The following SPINDOC variants were observed in gnomAD, a reference collection of about 807,000 sequenced individuals.
SPINDOC encodes spindlin interactor and repressor of chromatin-binding protein.
SPINDOC carries 13 observed loss-of-function variants against 30.7 expected under a neutral mutation model. The observed-to-expected ratio is 0.42, with a 90% CI of 0.28 to 0.67. SPINDOC has a LOEUF of 0.67. Among genes scored for constraint, SPINDOC ranks in the 30% least tolerant of loss-of-function variants. The probability of loss-of-function intolerance (pLI) is 0.22; values close to 1 mark genes in which losing one functional copy is unlikely to be tolerated. For missense variants in SPINDOC, 438 were observed against 518.0 expected (o/e 0.85, Z 1.50); for synonymous variants, 228 against 211.4 (o/e 1.08, Z -0.68).
At chr11:63,823,082 C>T in intron 5 of SPINDOC, 1 of 1,231,470 alleles carries the variant, frequency 8.1e-7, no homozygotes, top group Admixed American at 2.3e-5. Flanking sequence ...GGGAGGCACC[C>T]TGGGAGATGG....
chr11:63,826,368 A>G (rs1330535746), intron 5 of SPINDOC, among the ~76,000 whole-genome samples: 1 of 152,080 alleles, frequency 6.6e-6, no homozygotes, highest in Non-Finnish European at 1.5e-5. Flanking sequence ...TGCCTTCTCC[A>G]TACTGGTAAG....
At chr11:63,822,972 G>T (rs1590936448) in intron 5 of SPINDOC, 3 of 1,128,934 alleles carry the variant, frequency 2.7e-6, no homozygotes, top group Non-Finnish European at 2.4e-6. Context: ...CAATTGTAGG[G>T]TGTTGTCAGC....
At chr11:63,820,657 T>C (rs9804448) in intron 5 of SPINDOC, among the ~76,000 whole-genome samples, 139,297 of 151,060 alleles carry the variant, frequency 0.92, 65,055 homozygotes, top group Non-Finnish European at 0.99. Flanking sequence ...TTTGGGAGGC[T>C]GAGACGGGCG....
At chr11:63,819,970 G>A (rs2015464218) in intron 5 of SPINDOC, among the ~76,000 whole-genome samples, 1 of 152,228 alleles carries the variant, frequency 6.6e-6, no homozygotes, top group Non-Finnish European at 1.5e-5. Flanking sequence ...GGGCCACTCA[G>A]CAATTCAGTT....
intron 5 of SPINDOC, among the ~76,000 whole-genome samples, chr11:63,822,356 T>TAAAAAA (rs753315518): frequency 3.4e-5 from 2 of 58,816 alleles, no homozygotes; most frequent in African/African-American, 5.4e-5. Flanking sequence ...CTAGACTGTC[T>TAAAAAA]AAAAAAAAAA....
chr11:63,818,713 T>C lies in SPINDOC; in HGVS notation c.733+61T>C, dbSNP rs2015421093. 2.5e-6 allele frequency: 4 copies of C among 1,611,546 alleles called. No homozygotes were observed. Among genetic ancestry groups the C allele is most frequent in the South Asian group, 1.1e-5 (1 of 91,026 alleles). Reference sequence around the variant, plus strand: ...CCGCAGTGCTCTGAGGAAATCCGCATCAGTGAGGATGGAGCAGGGCCTGGG... The same window carrying C: ...CCGCAGTGCTCTGAGGAAATCCGCACCAGTGAGGATGGAGCAGGGCCTGGG... On this transcript the variant is annotated intron_variant, in intron 4 of 5. Transcript: ENST00000294244. This position sits in a 1 kb window ranked among gnomAD's most constrained non-coding sequence, Gnocchi z 5.3.
chr11:63,819,539 C>T (rs1007164934), intron 5 of SPINDOC, among the ~76,000 whole-genome samples: 7 of 151,682 alleles, frequency 4.6e-5, no homozygotes, highest in Non-Finnish European at 1.0e-4. Context: ...CTCTGTCGCC[C>T]AGGCTGGAGT....
intron 5 of SPINDOC, among the ~76,000 whole-genome samples, chr11:63,820,012 G>A (rs902278700): frequency 6.6e-6 from 1 of 152,104 alleles, no homozygotes; most frequent in Admixed American, 6.6e-5. Flanking sequence ...GATGAGCAGT[G>A]GACAGACACC....
chr11:63,817,435 G>T (rs2015371030), intron 1 of SPINDOC, among the ~76,000 whole-genome samples: 1 of 152,134 alleles, frequency 6.6e-6, no homozygotes, highest in Admixed American at 6.5e-5. Flanking sequence ...GAAATCTATT[G>T]TCAGGGATTG....
Position 63,818,509 on chromosome 11 carries a change from G to T in SPINDOC, c.608-18G>T. On this transcript the variant is annotated intron_variant, in intron 3 of 5. Coordinates refer to ENST00000294244, the MANE Select transcript of SPINDOC (RefSeq NM_138471.3). The surrounding 1 kb of genome is among the most constrained non-coding windows in gnomAD (Gnocchi z 5.3). ...GGATGGCCTCTTTAAAAGGGTATGA[G>T]GTCTTTTCTTTTTGCAGCTGTCCCT... The T allele has an allele frequency of 1.9e-6, 3 of 1,610,060 alleles. No individual in the cohort carries two copies. Among genetic ancestry groups the T allele is most frequent in the Non-Finnish European group, 1.7e-6 (2 of 1,179,780 alleles).
chr11:63,820,306 G>A (rs1424680815), intron 5 of SPINDOC, among the ~76,000 whole-genome samples: 2 of 150,892 alleles, frequency 1.3e-5, no homozygotes, highest in African/African-American at 2.5e-5. Flanking sequence ...GCTGAGGCAG[G>A]AGAATTGCTT....
chr11:63,823,994 G>T (rs1346680334), intron 5 of SPINDOC, among the ~76,000 whole-genome samples: 1 of 150,892 alleles, frequency 6.6e-6, no homozygotes, highest in African/African-American at 2.4e-5. Context: ...TGCAACCTCC[G>T]CCTCCCAAGT....
chr11:63,817,680 A>C, intron 1 of SPINDOC, 125 bp from the exon 2 acceptor site: 1 of 870,230 alleles, frequency 1.1e-6, no homozygotes, highest in South Asian at 1.8e-5. Flanking sequence ...GGAAGGAAGA[A>C]GAACACTTTG....
At position 63,818,411 on chromosome 11, in the gene SPINDOC, T is replaced by C; in HGVS notation, c.607+46T>C. Reference sequence around the variant, plus strand: ...GTGAGCCCCGGTGGAGGTGGGGGTTTGGGGACAGGGTGAAATACAGGCCCT... The same window carrying C: ...GTGAGCCCCGGTGGAGGTGGGGGTTCGGGGACAGGGTGAAATACAGGCCCT... On this transcript the variant is annotated intron_variant, in intron 3 of 5. Coordinates refer to ENST00000294244, the MANE Select transcript of SPINDOC (RefSeq NM_138471.3). This position sits in a 1 kb window ranked among gnomAD's most constrained non-coding sequence, Gnocchi z 5.3. 1 of 1,609,408 alleles carries C rather than the reference T, an allele frequency of 6.2e-7. No homozygotes were observed. Among genetic ancestry groups the C allele is most frequent in the Admixed American group, 1.7e-5 (1 of 59,804 alleles).
Position 63,818,672 on chromosome 11 carries a change from G to A in SPINDOC, c.733+20G>A. 1.2e-6 allele frequency: 2 copies of A among 1,613,178 alleles called. No individual in the cohort carries two copies. The highest frequency in any genetic ancestry group is 1.7e-6 in the Non-Finnish European group (2 of 1,179,870). ...ACCCAGGTGAAGGGGAGGCCCGGGG[G>A]AGGCGTGGGCTCTGGCCGCAGTGCT... On this transcript the variant is annotated intron_variant, in intron 4 of 5. Transcript: ENST00000294244. The surrounding 1 kb of genome is among the most constrained non-coding windows in gnomAD (Gnocchi z 5.3).
Position 63,825,315 on chromosome 11 carries a change from C to T in SPINDOC, c.935-1613C>T, listed in dbSNP as rs184022744. ...TCCTGGGGAAGCCAGCGTGCTCCAC[C>T]AGGGCATCCACATTTGCTCCTCCCT... is the stretch of plus-strand genomic sequence containing the variant. On this transcript the variant is annotated intron_variant, in intron 5 of 5. Transcript: ENST00000294244. Among the ~76,000 whole-genome samples the T allele has an allele frequency of 6.0e-4, 91 of 152,292 alleles. No individual in the cohort carries two copies. In the Middle Eastern group the frequency reaches 0.02, roughly 34 times the overall value.
chr11:63,822,829 A>C (rs772502841), intron 5 of SPINDOC: 80 of 1,288,960 alleles, frequency 6.2e-5, no homozygotes, highest in Non-Finnish European at 7.6e-5. Context: ...CCTGTGCGCA[A>C]ACTCCATCTA....
chr11:63,825,670 C>T lies in SPINDOC; in HGVS notation c.935-1258C>T, dbSNP rs547762217. 1.2e-4 allele frequency among the ~76,000 whole-genome samples: 19 copies of T among 152,254 alleles called. 1 individual carries two copies. In the South Asian group the frequency reaches 3.5e-3, roughly 28 times the overall value. On this transcript the variant is annotated intron_variant, in intron 5 of 5. Transcript: ENST00000294244. ...GAACAAATGGGGTTCAGTGTTCCTT[C>T]AGGGAGCCTATAGTTTATCAGGGAG...
chr11:63,816,826 G>A (rs1180314365), intron 1 of SPINDOC, among the ~76,000 whole-genome samples: 1 of 152,188 alleles, frequency 6.6e-6, no homozygotes, highest in Non-Finnish European at 1.5e-5. Context: ...GACCATGGCT[G>A]TAAATGCTCT....
Sources: gnomAD v4.1 joint callset for allele counts (sites outside exome capture counted in the v4.1 genomes callset) on GRCh38, gnomAD v4.1.1 for gene constraint, Gnocchi (gnomAD v3.1) non-coding constraint, MANE v1.5 for transcripts, NCBI Gene and HGNC (gene_info 2026-07-23, HGNC 2026-07-21) for gene names.